Variants in EFCAB6 observed in about 807,000 individuals in gnomAD.
The protein encoded by EFCAB6 is EF-hand calcium-binding domain-containing protein 6.
Under a neutral mutation model 169.8 loss-of-function variants are expected in EFCAB6, and 156 were observed. The observed-to-expected ratio is 0.92, with a 90% CI of 0.81 to 1.05. The LOEUF is 1.05. Among genes scored for constraint, EFCAB6 ranks in the 50% least tolerant of loss-of-function variants. The pLI, the probability that EFCAB6 is intolerant of heterozygous loss-of-function variation, is 0.00. For synonymous variants in EFCAB6, 698 were observed against 676.4 expected, an observed-to-expected ratio of 1.03 and a Z score of -0.50; for missense variants, 1,800 against 1,829.1, an observed-to-expected ratio of 0.98 and a Z score of 0.29.
In EFCAB6 at chr22:43,606,977, C is replaced by T. The variant is rs190650702; in HGVS notation, c.2681+1505G>A. ...CACTCAGGGGTTCGTCCTCTCCCCC[C>T]GGTGATGGTGGTGGTCTCCCAGGGC... On this transcript the variant is annotated intron_variant, in intron 22 of 31. Transcript: ENST00000262726. 2.0e-3 allele frequency among the ~76,000 whole-genome samples: 310 copies of T among 152,190 alleles called. 2 individuals carry two copies. In the Middle Eastern group the frequency reaches 0.02, roughly 10 times the overall value.
chr22:43,657,055 T>G (rs1185875213), intron 17 of EFCAB6, among the ~76,000 whole-genome samples: 2 of 152,138 alleles, frequency 1.3e-5, no homozygotes, highest in East Asian at 3.9e-4. Flanking sequence ...TTCGGGAGGC[T>G]GAGGCAGGCA....
Position 43,532,840 on chromosome 22 carries a change from C to T in EFCAB6, c.4233+1848G>A, listed in dbSNP as rs538825789. On this transcript the variant is annotated intron_variant, in intron 30 of 31. Transcript: ENST00000262726. ...GAGCGGGGCCAGGTGGGGGGTGGGG[C>T]CAGGGCCAGGGCTTTCAGCCCGACA... 9.1e-4 allele frequency among the ~76,000 whole-genome samples: 138 copies of T among 152,300 alleles called. 2 individuals carry two copies. Among genetic ancestry groups the T allele is most frequent in the Middle Eastern group, 3.4e-3 (1 of 294 alleles).
chr22:43,690,281 C>T (rs1162927866), intron 10 of EFCAB6, among the ~76,000 whole-genome samples: 1 of 145,814 alleles, frequency 6.9e-6, no homozygotes, highest in African/African-American at 2.6e-5. Context: ...AGGCGGATCA[C>T]GAGGTCAGGA....
At chr22:43,678,349 GTGTGT>G (rs2057864814) in intron 12 of EFCAB6, among the ~76,000 whole-genome samples, 186 bp from the exon 13 acceptor site, 1 of 151,686 alleles carries the variant, frequency 6.6e-6, no homozygotes, top group Non-Finnish European at 1.5e-5. Flanking sequence ...GTGTGTGTGT[GTGTGT>G]GTGTGTGTGT....
At chr22:43,553,796 G>T (rs1447744137) in intron 27 of EFCAB6, 1 of 152,412 alleles carries the variant, frequency 6.6e-6, no homozygotes, top group Non-Finnish European at 1.5e-5. Context: ...CAGGTTGTCG[G>T]AGCCTTTGAG....
intron 20 of EFCAB6, among the ~76,000 whole-genome samples, chr22:43,624,823 A>AGT (rs1232724072): frequency 6.6e-6 from 1 of 152,222 alleles, no homozygotes; most frequent in Non-Finnish European, 1.5e-5. Flanking sequence ...TTGATGAATG[A>AGT]GTGTATACAT....
chr22:43,783,746 C>G (rs1019865270), intron 2 of EFCAB6, among the ~76,000 whole-genome samples: 10 of 152,112 alleles, frequency 6.6e-5, no homozygotes. Flanking sequence ...ATTTCCACAA[C>G]TACTACATTA....
At chr22:43,741,048 C>T (rs2060350963) in intron 6 of EFCAB6, among the ~76,000 whole-genome samples, 1 of 152,150 alleles carries the variant, frequency 6.6e-6, no homozygotes, top group Non-Finnish European at 1.5e-5. Flanking sequence ...AATTGAGCTG[C>T]AGATGGCGAG....
At chr22:43,675,511 T>C (rs193042737) in intron 13 of EFCAB6, among the ~76,000 whole-genome samples, 1 of 140,668 alleles carries the variant, frequency 7.1e-6, no homozygotes, top group African/African-American at 2.6e-5. Flanking sequence ...TTTAATATAA[T>C]ATAGGATTTA....
At chr22:43,700,978 CAT>C (rs2058745614) in intron 10 of EFCAB6, among the ~76,000 whole-genome samples, 1 of 152,054 alleles carries the variant, frequency 6.6e-6, no homozygotes, top group African/African-American at 2.4e-5. Flanking sequence ...AAATACAAAA[CAT>C]ATGAAATTTA....
chr22:43,800,752 T>G (rs2148176539), intron 2 of EFCAB6, among the ~76,000 whole-genome samples: 1 of 151,902 alleles, frequency 6.6e-6, no homozygotes, highest in Non-Finnish European at 1.5e-5. Flanking sequence ...GCAGTTAACT[T>G]GAAGACAGAC....
chr22:43,558,360 T>C (rs773454276), intron 26 of EFCAB6, among the ~76,000 whole-genome samples: 1 of 152,176 alleles, frequency 6.6e-6, no homozygotes, highest in Non-Finnish European at 1.5e-5. Context: ...AGCAATTGAA[T>C]ACCTCTGGAT....
At chr22:43,604,773 A>G (rs2052788203) in intron 22 of EFCAB6, among the ~76,000 whole-genome samples, 1 of 151,906 alleles carries the variant, frequency 6.6e-6, no homozygotes, top group Non-Finnish European at 1.5e-5. Flanking sequence ...TTTATATTTG[A>G]ATACTGATAT....
chr22:43,608,714 C>T (rs1476244075), intron 21 of EFCAB6, 114 bp from the exon 22 acceptor site: 3 of 898,110 alleles, frequency 3.3e-6, no homozygotes, highest in Non-Finnish European at 5.3e-6. Flanking sequence ...TCCCCATCCA[C>T]CTCCTTAATC....
chr22:43,554,646 G>A (rs2048588060), intron 27 of EFCAB6: 3 of 554,062 alleles, frequency 5.4e-6, no homozygotes, highest in South Asian at 2.3e-5. Flanking sequence ...GATTTTAAAG[G>A]CAACAGTGAC....
intron 10 of EFCAB6, among the ~76,000 whole-genome samples, chr22:43,710,196 G>A (rs2059111315): frequency 6.6e-6 from 1 of 152,152 alleles, no homozygotes; most frequent in African/African-American, 2.4e-5. Context: ...GAAAGAACAG[G>A]GATCCTTGGA....
intron 17 of EFCAB6, among the ~76,000 whole-genome samples, chr22:43,640,092 A>G (rs778928205): frequency 6.6e-6 from 1 of 152,080 alleles, no homozygotes; most frequent in Non-Finnish European, 1.5e-5. Flanking sequence ...TGGTTACTTT[A>G]AAGTCTTTGA....
At chr22:43,717,320 T>A (rs1322658489) in intron 8 of EFCAB6, among the ~76,000 whole-genome samples, 1 of 151,734 alleles carries the variant, frequency 6.6e-6, no homozygotes, top group African/African-American at 2.4e-5. Context: ...AAAGCCAGAA[T>A]TTATTTAAAT....
At chr22:43,658,445 G>A (rs1382788775) in intron 17 of EFCAB6, among the ~76,000 whole-genome samples, 1 of 152,130 alleles carries the variant, frequency 6.6e-6, no homozygotes, top group Non-Finnish European at 1.5e-5. Flanking sequence ...GCCCTGGAGT[G>A]ACAAAATTGG....
Sources: allele counts gnomAD v4.1 joint callset (sites outside exome capture counted in the v4.1 genomes callset), GRCh38; gene constraint gnomAD v4.1.1; transcripts MANE v1.5; gene names NCBI Gene and HGNC (gene_info 2026-07-23, HGNC 2026-07-21).